SRBD1: variants seen among roughly 807,000 people sequenced by gnomAD.
SRBD1 encodes S1 RNA binding domain 1.
SRBD1 carries 88 observed loss-of-function variants against 115.3 expected under a neutral mutation model. The observed-to-expected ratio is 0.76, with a 90% CI of 0.64 to 0.91. SRBD1 has a LOEUF of 0.91. SRBD1 is among the 40% of genes least tolerant of loss of function. The pLI is 0.00. For synonymous variants in SRBD1, 509 were observed against 407.7 expected (o/e 1.25, Z -2.99); for missense variants, 1,385 against 1,177.4 (o/e 1.18, Z -2.58).
intron 14 of SRBD1, among the ~76,000 whole-genome samples, chr2:45,512,273 G>T (rs907483588): frequency 6.6e-6 from 1 of 152,124 alleles, no homozygotes; most frequent in African/African-American, 2.4e-5. Context: ...TTTACCTATA[G>T]ACCATACTTC....
In SRBD1 at chr2:45,476,444, G is replaced by C. The variant is rs570236444; in HGVS notation, c.2049+549C>G. Among the ~76,000 whole-genome samples the C allele has an allele frequency of 1.1e-4, 17 of 152,210 alleles. 1 individual carries two copies. In the East Asian group the frequency reaches 2.7e-3, roughly 24 times the overall value. ...AAAACAATGTGACCCAAGCCTTCTG[G>C]AGACAACTTCCCCACATACCATTTT... On this transcript the variant is annotated intron_variant, in intron 16 of 20. Transcript: ENST00000263736.
intron 16 of SRBD1, among the ~76,000 whole-genome samples, chr2:45,452,980 G>T (rs963477935): frequency 6.6e-6 from 1 of 151,994 alleles, no homozygotes; most frequent in South Asian, 2.1e-4. Flanking sequence ...GTCATTTGAA[G>T]TCCACAATAT....
At chr2:45,483,714 C>T (rs1021100291) in intron 15 of SRBD1, among the ~76,000 whole-genome samples, 1 of 152,036 alleles carries the variant, frequency 6.6e-6, no homozygotes, top group African/African-American at 2.4e-5. Context: ...TGACATCAGA[C>T]AGGAACAGAG....
intron 17 of SRBD1, among the ~76,000 whole-genome samples, chr2:45,418,805 T>C (rs955249538): frequency 2.0e-5 from 3 of 152,124 alleles, no homozygotes; most frequent in African/African-American, 7.2e-5. Flanking sequence ...CTAACACTGA[T>C]GCAAGAAAAA....
At chr2:45,527,098 A>G (rs1671466750) in intron 14 of SRBD1, among the ~76,000 whole-genome samples, 1 of 151,854 alleles carries the variant, frequency 6.6e-6, no homozygotes, top group South Asian at 2.1e-4. Context: ...TATATCTTCC[A>G]TAGTCCTTAT....
intron 14 of SRBD1, among the ~76,000 whole-genome samples, chr2:45,533,079 G>C (rs1671663020): frequency 6.6e-6 from 1 of 151,988 alleles, no homozygotes; most frequent in Non-Finnish European, 1.5e-5. Flanking sequence ...CCAAAGGTGA[G>C]GCAAAACAGT....
At chr2:45,573,962 G>A (rs548375025) in intron 8 of SRBD1, among the ~76,000 whole-genome samples, 5 of 152,094 alleles carry the variant, frequency 3.3e-5, no homozygotes, top group Admixed American at 6.6e-5. Flanking sequence ...GGAGAGAGAG[G>A]AAGAACAAAC....
intron 4 of SRBD1, among the ~76,000 whole-genome samples, chr2:45,595,686 G>A (rs1673872421): frequency 6.6e-6 from 1 of 152,230 alleles, no homozygotes; most frequent in Middle Eastern, 3.4e-3. Flanking sequence ...TCCTGTTTAC[G>A]GAGAAATTTT....
intron 14 of SRBD1, among the ~76,000 whole-genome samples, chr2:45,541,357 G>A (rs1007824373): frequency 1.6e-4 from 24 of 152,244 alleles, no homozygotes. Flanking sequence ...CCAAAGGGCT[G>A]CAGCTCTTTT....
Position 45,488,348 on chromosome 2 carries a change from A to C in SRBD1, c.1875-17T>G, listed in dbSNP as rs751584702. The stretch of plus-strand genomic sequence containing the variant: ...CTGACGATACTGAGAAGACAGAAAA[A>C]GGGGAATATCACTTTCCTAACTTCC... On this transcript the variant is annotated splice_polypyrimidine_tract_variant and intron_variant, in intron 14 of 20. Coordinates refer to ENST00000263736, the MANE Select transcript of SRBD1 (RefSeq NM_018079.5). The C allele has an allele frequency of 6.2e-7, 1 of 1,606,326 alleles. No individual in the cohort carries two copies. The highest frequency in any genetic ancestry group is 8.5e-7 in the Non-Finnish European group (1 of 1,173,788).
chr2:45,588,871 G>C (rs1266294154), intron 4 of SRBD1, among the ~76,000 whole-genome samples: 2 of 152,100 alleles, frequency 1.3e-5, no homozygotes. Context: ...CTGTTACATA[G>C]GTCAATAAAT....
At chr2:45,555,637 C>G (rs567893194) in intron 10 of SRBD1, among the ~76,000 whole-genome samples, 78 of 151,978 alleles carry the variant, frequency 5.1e-4, no homozygotes, top group African/African-American at 1.7e-3. Flanking sequence ...ACTACAGGCG[C>G]CACCATACCC....
chr2:45,418,817 A>G (rs189105704), intron 17 of SRBD1, among the ~76,000 whole-genome samples: 22 of 152,318 alleles, frequency 1.4e-4, no homozygotes, highest in East Asian at 1.9e-4. Flanking sequence ...CAAGAAAAAA[A>G]TGTTCCTTAG....
chr2:45,440,921 A>C (rs929612933), intron 16 of SRBD1, among the ~76,000 whole-genome samples: 5 of 152,198 alleles, frequency 3.3e-5, no homozygotes, highest in Non-Finnish European at 7.3e-5. Flanking sequence ...CAGAGGTTGG[A>C]GAAAAAAAGA....
chr2:45,413,676 C>T (rs539784191), intron 18 of SRBD1, among the ~76,000 whole-genome samples: 1 of 151,978 alleles, frequency 6.6e-6, no homozygotes, highest in Admixed American at 6.6e-5. Flanking sequence ...ACCTGTAATC[C>T]CAACACTTTG....
intron 19 of SRBD1, among the ~76,000 whole-genome samples, chr2:45,394,167 G>A (rs187144630): frequency 6.6e-6 from 1 of 152,214 alleles, no homozygotes; most frequent in Non-Finnish European, 1.5e-5. Flanking sequence ...TGTAATATTT[G>A]TAAAATAAAA....
At chr2:45,571,438 G>A (rs1039014808) in intron 9 of SRBD1, among the ~76,000 whole-genome samples, 1 of 137,640 alleles carries the variant, frequency 7.3e-6, no homozygotes, top group African/African-American at 2.7e-5. Context: ...AAAACAAGCA[G>A]CAACAACAAA....
At chr2:45,545,475 A>C (rs1672087458) in intron 14 of SRBD1, among the ~76,000 whole-genome samples, 1 of 152,140 alleles carries the variant, frequency 6.6e-6, no homozygotes, top group Non-Finnish European at 1.5e-5. Context: ...AGTTGTACTT[A>C]TAACCACTAC....
intron 10 of SRBD1, 40 bp from the exon 11 acceptor site, chr2:45,553,770 A>G (rs1182215984): frequency 2.9e-6 from 4 of 1,374,928 alleles, no homozygotes; most frequent in Non-Finnish European, 3.9e-6. Context: ...TGATGCAACA[A>G]TAAATAAGGC....
Sources: gnomAD v4.1 joint callset for allele counts (sites outside exome capture counted in the v4.1 genomes callset) on GRCh38, gnomAD v4.1.1 for gene constraint, MANE v1.5 for transcripts, NCBI Gene and HGNC (gene_info 2026-07-23, HGNC 2026-07-21) for gene names.